GALNT18: variants seen among roughly 807,000 people sequenced by gnomAD.
The protein encoded by GALNT18 is polypeptide N-acetylgalactosaminyltransferase 18.
Under a neutral mutation model 69.5 loss-of-function variants are expected in GALNT18, and 44 were observed. The ratio of observed to expected loss-of-function variants is 0.63; its 90% CI spans 0.50 to 0.81. The LOEUF (loss-of-function observed/expected upper bound fraction) is 0.81. Ranked by LOEUF, GALNT18 falls within the 40% of genes least tolerant of loss-of-function variation. The pLI is 0.00. For missense variants in GALNT18, 715 were observed against 810.0 expected (o/e 0.88, Z 1.42); for synonymous variants, 364 against 318.2 (o/e 1.14, Z -1.53).
At chr11:11,403,761 C>T (rs1001692643) in intron 3 of GALNT18, among the ~76,000 whole-genome samples, 21 of 152,204 alleles carry the variant, frequency 1.4e-4, no homozygotes, top group Non-Finnish European at 2.8e-4. Context: ...GTGAACTCTG[C>T]TAACTGCTGT....
chr11:11,618,629 T>C lies in GALNT18; in HGVS notation c.235+2730A>G, dbSNP rs1253647127. ...CTTAGACTTCTGAAGCCACACTAGC[T>C]GAGCTTACATCCCTATACTATCATA... is the stretch of plus-strand genomic sequence containing the variant. On this transcript the variant is annotated intron_variant, in intron 1 of 10. Transcript: ENST00000227756. This position sits in a 1 kb window ranked among gnomAD's most constrained non-coding sequence, Gnocchi z 6.1. 1.3e-5 allele frequency among the ~76,000 whole-genome samples: 2 copies of C among 152,214 alleles called. No homozygotes were observed. Among genetic ancestry groups the C allele is most frequent in the East Asian group, 3.8e-4 (2 of 5,198 alleles).
At chr11:11,572,227 G>T (rs1858809348) in intron 1 of GALNT18, among the ~76,000 whole-genome samples, 1 of 152,206 alleles carries the variant, frequency 6.6e-6, no homozygotes, top group Admixed American at 6.5e-5. Context: ...CCTTGACCAC[G>T]TAACCACTCG....
At chr11:11,449,504 C>G (rs565241438) in intron 1 of GALNT18, among the ~76,000 whole-genome samples, 51 of 152,350 alleles carry the variant, frequency 3.3e-4, no homozygotes, top group African/African-American at 1.2e-3. Context: ...TGCTTCCAGA[C>G]ACTGCCCACC....
At position 11,377,614 on chromosome 11, in the gene GALNT18, TGAGA is replaced by T. The variant is rs1853799576; in HGVS notation, c.780-239_780-236del. On this transcript the variant is annotated intron_variant, in intron 4 of 10. Transcript: ENST00000227756. The surrounding 1 kb of genome is among the most constrained non-coding windows in gnomAD (Gnocchi z 4.6). ...TCCATTGGCATATCCAGAGCTGAGC[TGAGA>T]GATTCTTATTCCAGCCAACCTTGTG... 6.6e-6 allele frequency among the ~76,000 whole-genome samples: 1 copy of T among 151,462 alleles called. No homozygotes were observed. The highest frequency in any genetic ancestry group is 2.4e-5 in the African/African-American group (1 of 41,140).
chr11:11,293,980 T>G (rs1375970395), intron 9 of GALNT18, among the ~76,000 whole-genome samples: 1 of 152,150 alleles, frequency 6.6e-6, no homozygotes, highest in Non-Finnish European at 1.5e-5. Flanking sequence ...AACTTTTTCT[T>G]AAAGGTCAGG....
At chr11:11,278,283 C>CT (rs577072818) in intron 10 of GALNT18, among the ~76,000 whole-genome samples, 1 of 149,056 alleles carries the variant, frequency 6.7e-6, no homozygotes, top group South Asian at 2.2e-4. Context: ...ATATCCAGGA[C>CT]TTGAACTCAG....
chr11:11,416,927 T>C (rs1226608129), intron 3 of GALNT18, among the ~76,000 whole-genome samples: 1 of 151,986 alleles, frequency 6.6e-6, no homozygotes, highest in Non-Finnish European at 1.5e-5. Context: ...CTGGGCAGAG[T>C]CCTGCTGAGA....
At position 11,400,760 on chromosome 11, in the gene GALNT18, G is replaced by A. The variant is rs564876221; in HGVS notation, c.596-21496C>T. On this transcript the variant is annotated intron_variant, in intron 3 of 10. Coordinates refer to ENST00000227756, the MANE Select transcript of GALNT18 (RefSeq NM_198516.3). ...CTCACTCCCAGCTTTGATGTCACCA[G>A]GAAAATCTGTGCTGTCCCCAGGTTA... 2.0e-5 allele frequency among the ~76,000 whole-genome samples: 3 copies of A among 152,312 alleles called. No homozygotes were observed. The South Asian group carries it at 6.2e-4, about 32-fold the overall frequency.
chr11:11,386,915 C>T (rs976456656), intron 3 of GALNT18, among the ~76,000 whole-genome samples: 2 of 152,160 alleles, frequency 1.3e-5, no homozygotes, highest in Non-Finnish European at 2.9e-5. Context: ...CTCCAGAGTA[C>T]CATCCCAGCA....
intron 1 of GALNT18, among the ~76,000 whole-genome samples, chr11:11,594,126 T>G (rs1050516381): frequency 3.5e-4 from 53 of 152,336 alleles, no homozygotes; most frequent in African/African-American, 1.2e-3. Flanking sequence ...GCACAGTATT[T>G]TTTTAGAAGA....
At position 11,499,423 on chromosome 11, in the gene GALNT18, G is replaced by A. The variant is rs148512165; in HGVS notation, c.236-50487C>T. Among the ~76,000 whole-genome samples the A allele has an allele frequency of 3.1e-3, 462 of 151,250 alleles. 2 individuals are homozygous for A. The highest frequency in any genetic ancestry group is 0.011 in the African/African-American group (447 of 41,248). On this transcript the variant is annotated intron_variant, in intron 1 of 10. Transcript: ENST00000227756. ...CACTGCCCTCCCACCCCTGACTGCA[G>A]CCTGTTACCTCCCTCCCCCACCTGT...
intron 9 of GALNT18, among the ~76,000 whole-genome samples, chr11:11,299,411 G>T (rs1849455452): frequency 6.6e-6 from 1 of 152,168 alleles, no homozygotes; most frequent in South Asian, 2.1e-4. Context: ...CTCTGAAAGT[G>T]CTGGGATTAC....
At chr11:11,326,307 C>T (rs565037724) in intron 9 of GALNT18, among the ~76,000 whole-genome samples, 23 of 152,222 alleles carry the variant, frequency 1.5e-4, no homozygotes, top group Non-Finnish European at 2.8e-4. Flanking sequence ...GCCTCCCAAA[C>T]TGCTGAGATT....
chr11:11,391,516 A>G (rs1019222672), intron 3 of GALNT18, among the ~76,000 whole-genome samples: 2 of 152,266 alleles, frequency 1.3e-5, no homozygotes, highest in Non-Finnish European at 2.9e-5. Context: ...CAGGCTTTGC[A>G]CTAGGCCCTT....
chr11:11,364,521 G>T (rs1364647975), intron 6 of GALNT18, among the ~76,000 whole-genome samples: 2 of 150,714 alleles, frequency 1.3e-5, no homozygotes, highest in East Asian at 3.8e-4. Flanking sequence ...CAGGAAAAAT[G>T]ACCTGATCTC....
intron 2 of GALNT18, among the ~76,000 whole-genome samples, chr11:11,446,013 T>C (rs540172284): frequency 8.5e-5 from 13 of 152,322 alleles, no homozygotes; most frequent in African/African-American, 2.4e-4. Flanking sequence ...GGCTCCCACA[T>C]GCGCTCTCAT....
At chr11:11,275,717 T>G (rs11529516) in intron 10 of GALNT18, among the ~76,000 whole-genome samples, 18,838 of 152,224 alleles carry the variant, frequency 0.12, 1,770 homozygotes, top group Admixed American at 0.28. Context: ...GTAGAAGATG[T>G]AAGGAAGGGG....
rs183467629 is a variant in GALNT18 at position 11,464,648 on chromosome 11, A to G, written c.236-15712T>C. 3.3e-3 allele frequency among the ~76,000 whole-genome samples: 502 copies of G among 152,300 alleles called. 4 individuals are homozygous for G. The highest frequency in any genetic ancestry group is 0.022 in the South Asian group (106 of 4,822). On this transcript the variant is annotated intron_variant, in intron 1 of 10. Coordinates refer to ENST00000227756, the MANE Select transcript of GALNT18 (RefSeq NM_198516.3). ...AATTTGGCATTGTAAATAAAATGAA[A>G]TTCATTTATTTGATTAATATGCATC...
chr11:11,399,162 TTCTC>T (rs960578848), intron 3 of GALNT18, among the ~76,000 whole-genome samples: 12 of 152,260 alleles, frequency 7.9e-5, no homozygotes, highest in African/African-American at 2.9e-4. Flanking sequence ...AGAGAGCTTC[TTCTC>T]TCTCTCTTTC....
Sources: gnomAD v4.1 joint callset for allele counts (sites outside exome capture counted in the v4.1 genomes callset) on GRCh38, gnomAD v4.1.1 for gene constraint, Gnocchi (gnomAD v3.1) non-coding constraint, MANE v1.5 for transcripts, NCBI Gene and HGNC (gene_info 2026-07-23, HGNC 2026-07-21) for gene names.